GGA1: variants seen among roughly 807,000 people sequenced by gnomAD.
The protein encoded by GGA1 is ADP-ribosylation factor-binding protein GGA1.
A neutral mutation model predicts 76.9 loss-of-function variants in GGA1; 18 were observed. That is an observed-to-expected ratio of 0.23 (90% CI 0.16 to 0.35). The LOEUF is 0.35. GGA1 is among the 10% of genes least tolerant of loss of function. GGA1 has a pLI of 1.00. For synonymous variants in GGA1, 342 were observed against 354.7 expected (o/e 0.96, Z 0.40); for missense variants, 755 against 859.0 (o/e 0.88, Z 1.51).
Position 37,625,361 on chromosome 22 carries a change from G to T in GGA1, c.940+285G>T, listed in dbSNP as rs371337242. ...ATCTGGCACCTGTTGTATAGGGCTA[G>T]ATGACACCCCAGAGGCTTTATGTAT... On this transcript the variant is annotated intron_variant, in intron 10 of 16. Transcript: ENST00000343632. The surrounding 1 kb of genome is among the most constrained non-coding windows in gnomAD (Gnocchi z 4.1). 2.6e-5 allele frequency among the ~76,000 whole-genome samples: 4 copies of T among 152,150 alleles called. No individual in the cohort carries two copies. In the East Asian group the frequency reaches 5.8e-4, roughly 22 times the overall value.
chr22:37,626,216 G>A (rs1028668266), intron 11 of GGA1: 2 of 342,104 alleles, frequency 5.8e-6, no homozygotes, highest in Non-Finnish European at 1.1e-5. Flanking sequence ...CTGGCAGCCT[G>A]GGGGGAAACC....
intron 11 of GGA1, 135 bp downstream of exon 11, chr22:37,626,084 C>A: frequency 1.8e-6 from 1 of 558,082 alleles, no homozygotes. Context: ...GCATTAGGCC[C>A]ACTTCACAAC....
At chr22:37,609,342 G>C (rs1361483579) in intron 1 of GGA1, 1 of 1,094,346 alleles carries the variant, frequency 9.1e-7, no homozygotes, top group Admixed American at 6.0e-5. Context: ...GCCCTGCATG[G>C]CGTTCCTGGA....
At chr22:37,615,385 G>C (rs1191463948) in intron 2 of GGA1, among the ~76,000 whole-genome samples, 1 of 151,990 alleles carries the variant, frequency 6.6e-6, no homozygotes, top group Non-Finnish European at 1.5e-5. Context: ...GGAGGTAGAA[G>C]TTGCAGTGAG....
intron 1 of GGA1, chr22:37,613,247 G>A (rs761851445): frequency 6.0e-5 from 49 of 813,316 alleles, no homozygotes; most frequent in Middle Eastern, 6.2e-4. Context: ...GTGGTTACCC[G>A]CATCTTTCCT....
At chr22:37,628,076 C>T (rs76367740) in intron 11 of GGA1, among the ~76,000 whole-genome samples, 4,037 of 152,308 alleles carry the variant, frequency 0.027, 77 homozygotes, top group Non-Finnish European at 0.044. Flanking sequence ...GATCCACCCA[C>T]CCCAGCTTCC....
intron 6 of GGA1, 146 bp downstream of exon 6, chr22:37,621,059 T>C (rs180753846): frequency 7.1e-4 from 463 of 652,406 alleles, no homozygotes; most frequent in Admixed American, 5.1e-4. Flanking sequence ...CGCTGTTTAC[T>C]GGGCATTTAA....
In GGA1 at chr22:37,625,089, CAGG is replaced by C; in HGVS notation, c.940+16_940+18del. ...GGCTCCATCCCTGGTGAGGAGGTGG[CAGG>C]AGAGCTGGGAGGGCACCCATCAGGC... On this transcript the variant is annotated intron_variant, in intron 10 of 16. Transcript: ENST00000343632. This position sits in a 1 kb window ranked among gnomAD's most constrained non-coding sequence, Gnocchi z 4.1. The C allele has an allele frequency of 1.3e-6, 2 of 1,573,974 alleles. No individual in the cohort carries two copies. The highest frequency in any genetic ancestry group is 2.3e-5 in the East Asian group (1 of 43,082).
At chr22:37,612,787 AT>A in intron 1 of GGA1, 3 of 445,202 alleles carry the variant, frequency 6.7e-6, no homozygotes, top group African/African-American at 2.1e-5. Flanking sequence ...AAAAAAAAAA[AT>A]CCATATTTCA....
At chr22:37,618,831 A>G (rs1308140987) in intron 4 of GGA1, among the ~76,000 whole-genome samples, 1 of 152,202 alleles carries the variant, frequency 6.6e-6, no homozygotes, top group Non-Finnish European at 1.5e-5. Context: ...CAGGGAATAC[A>G]TAAGCTGACA....
At position 37,632,191 on chromosome 22, in the gene GGA1, GCCTC is replaced by G. The variant is rs1287429644; in HGVS notation, c.1698+32_1698+35del. ...GTGACAAGCCAGTCGGACAGGGCAT[GCCTC>G]CCTCCTCTCAAGGCAGGGTGACATG... On this transcript the variant is annotated intron_variant, in intron 15 of 16. Transcript: ENST00000343632. The surrounding 1 kb of genome is among the most constrained non-coding windows in gnomAD (Gnocchi z 5.1). The G allele has an allele frequency of 6.3e-7, 1 of 1,596,476 alleles. No individual in the cohort carries two copies. The highest frequency in any genetic ancestry group is 1.1e-5 in the South Asian group (1 of 89,972).
chr22:37,631,186 C>A, intron 14 of GGA1, 87 bp downstream of exon 14: 1 of 1,123,578 alleles, frequency 8.9e-7, no homozygotes, highest in Non-Finnish European at 1.2e-6. Context: ...AGTGGGAAAG[C>A]AGGGCTCCCC....
rs1929250851 is a variant in GGA1, at chr22:37,618,555, C to T, written c.303+9C>T. On this transcript the variant is annotated intron_variant, in intron 4 of 16. Coordinates refer to ENST00000343632, the MANE Select transcript of GGA1 (RefSeq NM_013365.5). ...AGGTCGTGTCTCCCAAGGTTGGTGC[C>T]CCCAGCCCAAGCTCAGACCTGCCCT... 2 of 1,565,830 alleles carry T rather than the reference C, an allele frequency of 1.3e-6. No individual in the cohort carries two copies. The highest frequency in any genetic ancestry group is 1.8e-6 in the Non-Finnish European group (2 of 1,136,306).
chr22:37,613,240 G>A (rs1928076433), intron 1 of GGA1: 1 of 854,162 alleles, frequency 1.2e-6, no homozygotes, highest in African/African-American at 1.8e-5. Context: ...GCCTCGTGTG[G>A]TTACCCGCAT....
chr22:37,610,876 TCTC>T (rs771481289), intron 1 of GGA1, among the ~76,000 whole-genome samples: 85 of 152,036 alleles, frequency 5.6e-4, no homozygotes, highest in Non-Finnish European at 5.9e-4. Context: ...GTCAGTCAGA[TCTC>T]CTTGGATCTG....
In GGA1 at chr22:37,618,549, T is replaced by C; in HGVS notation, c.303+3T>C. 6 of 1,590,950 alleles carry C rather than the reference T, an allele frequency of 3.8e-6. No homozygotes were observed. Among genetic ancestry groups the C allele is most frequent in the Non-Finnish European group, 5.2e-6 (6 of 1,159,024 alleles). ...TCATCAAGGTCGTGTCTCCCAAGGT[T>C]GGTGCCCCCAGCCCAAGCTCAGACC... On this transcript the variant is annotated splice_donor_region_variant and intron_variant, in intron 4 of 16. Transcript: ENST00000343632.
chr22:37,632,608 T>C lies in GGA1; in HGVS notation c.1817T>C (p.Val606Ala), dbSNP rs1932023073. 3.7e-6 allele frequency: 6 copies of C among 1,611,894 alleles called. No homozygotes were observed. The highest frequency in any genetic ancestry group is 3.3e-5 in the South Asian group (3 of 91,048). Residue 606 changes from valine to alanine, a missense_variant, in exon 17 of 17, where the codon GTT (valine) becomes GCT (alanine). Coordinates refer to ENST00000343632, the MANE Select transcript of GGA1 (RefSeq NM_013365.5). The surrounding 1 kb of genome is among the most constrained non-coding windows in gnomAD (Gnocchi z 5.1). ...LLLANPQKEK[V>A]RLRYKLTFTM... ...TTGCCATCTCTTCCCCAGGAGAAGG[T>C]TCGCCTCCGCTACAAGCTCACCTTC...
intron 3 of GGA1, 59 bp downstream of exon 3, chr22:37,617,056 A>C (rs1287965485): frequency 6.4e-7 from 1 of 1,558,304 alleles, no homozygotes; most frequent in Non-Finnish European, 8.7e-7. Flanking sequence ...AAGGGAGGCC[A>C]AGACTGAGGT....
At chr22:37,619,794 C>A in intron 4 of GGA1, 1 of 778,670 alleles carries the variant, frequency 1.3e-6, no homozygotes, top group East Asian at 2.4e-5. Flanking sequence ...ATTCTCCTCC[C>A]AACAGGGGAC....
Sources: gnomAD v4.1 joint callset for allele counts (sites outside exome capture counted in the v4.1 genomes callset) on GRCh38, gnomAD v4.1.1 for gene constraint, Gnocchi (gnomAD v3.1) non-coding constraint, MANE v1.5 for transcripts, NCBI Gene and HGNC (gene_info 2026-07-23, HGNC 2026-07-21) for gene names.